Variants in CCDC136 observed in about 807,000 individuals in gnomAD.
CCDC136 encodes the protein coiled-coil domain-containing protein 136.
CCDC136 carries 100 observed loss-of-function variants against 141.2 expected under a neutral mutation model. The ratio of observed to expected loss-of-function variants is 0.71; its 90% CI spans 0.60 to 0.84. CCDC136 has a LOEUF of 0.84. CCDC136 is among the 40% of genes least tolerant of loss of function. The pLI, the probability that CCDC136 is intolerant of heterozygous loss-of-function variation, is 0.00. For missense variants in CCDC136, 1,206 were observed against 1,379.4 expected (o/e 0.87, Z 1.99); for synonymous variants, 474 against 531.9 (o/e 0.89, Z 1.50).
rs761509327 is a variant in CCDC136 at position 128,821,928 on chromosome 7, G to T, written c.*135G>T. 1 of 1,289,764 alleles carries T rather than the reference G, an allele frequency of 7.8e-7. No homozygotes were observed. Among genetic ancestry groups the T allele is most frequent in the Admixed American group, 2.3e-5 (1 of 43,564 alleles). 79.9% of individuals were successfully genotyped at this position (1,289,764 alleles called of 1,614,324 possible). ...GGAGTGATGGCAGACCTTGGCCAGC[G>T]CGAGGGCAGATCCCCAGTGGCCACC... On this transcript the variant is annotated 3_prime_UTR_variant, in exon 18 of 18. Coordinates refer to ENST00000297788, the MANE Select transcript of CCDC136 (RefSeq NM_022742.5). The surrounding 1 kb of genome is among the most constrained non-coding windows in gnomAD (Gnocchi z 5.1).
At chr7:128,802,603 G>T (rs1804219994) in intron 4 of CCDC136, among the ~76,000 whole-genome samples, 1 of 152,198 alleles carries the variant, frequency 6.6e-6, no homozygotes, top group Non-Finnish European at 1.5e-5. Context: ...AGCTAGATGG[G>T]ATCCTGAAAC....
At chr7:128,818,680 A>G (rs541373531) in intron 17 of CCDC136, among the ~76,000 whole-genome samples, 3 of 152,344 alleles carry the variant, frequency 2.0e-5, no homozygotes, top group East Asian at 3.9e-4. Context: ...CAAGACTGAT[A>G]TATTCTGGCC....
chr7:128,795,439 G>A (rs1226797453), intron 3 of CCDC136, among the ~76,000 whole-genome samples: 1 of 152,040 alleles, frequency 6.6e-6, no homozygotes, highest in Non-Finnish European at 1.5e-5. Context: ...AAACGGCAGG[G>A]ACTCTGGGGA....
upstream of CCDC136, chr7:128,791,937 C>A (rs1802227676): frequency 5.0e-6 from 4 of 797,762 alleles, no homozygotes; most frequent in East Asian, 1.0e-4. The surrounding 1 kb of genome is among the most constrained non-coding windows in gnomAD (Gnocchi z 7.1). Flanking sequence ...GCAGCCCTAC[C>A]CCTTCCCGCA....
chr7:128,805,938 A>G lies in CCDC136; in HGVS notation c.1089+37A>G, dbSNP rs780207178. 1 of 1,611,682 alleles carries G rather than the reference A, an allele frequency of 6.2e-7. No individual in the cohort carries two copies. Among genetic ancestry groups the G allele is most frequent in the South Asian group, 1.1e-5 (1 of 90,954 alleles). Reference sequence around the variant, plus strand: ...CCGGGGAGGCATCTGGGGTGGGGGCAGAAGGGCCTCATGGAGGGGCTGCTT... The same window carrying G: ...CCGGGGAGGCATCTGGGGTGGGGGCGGAAGGGCCTCATGGAGGGGCTGCTT... On this transcript the variant is annotated intron_variant, in intron 7 of 17. Transcript: ENST00000297788. The surrounding 1 kb of genome is among the most constrained non-coding windows in gnomAD (Gnocchi z 4.6).
Position 128,816,886 on chromosome 7 carries a change from C to T in CCDC136, c.3364-872C>T, listed in dbSNP as rs1259012336. Among the ~76,000 whole-genome samples the T allele has an allele frequency of 3.3e-5, 5 of 152,314 alleles. No individual in the cohort carries two copies. The East Asian group carries it at 9.6e-4, about 29-fold the overall frequency. On this transcript the variant is annotated intron_variant, in intron 16 of 17. Coordinates refer to ENST00000297788, the MANE Select transcript of CCDC136 (RefSeq NM_022742.5). Reference sequence around the variant, plus strand: ...TATCTGGAATTTCCAGCAATTTGGTCTTCAGCACTGGCTAAGGATCCAGTG... The same window carrying T: ...TATCTGGAATTTCCAGCAATTTGGTTTTCAGCACTGGCTAAGGATCCAGTG...
chr7:128,815,047 C>A, intron 15 of CCDC136, 128 bp downstream of exon 15: 1 of 805,094 alleles, frequency 1.2e-6, no homozygotes, highest in Non-Finnish European at 1.9e-6. Context: ...TCTGAAGTGT[C>A]TACAGTGGTT....
At chr7:128,797,091 CA>C (rs1252861022) in intron 3 of CCDC136, among the ~76,000 whole-genome samples, 1 of 152,074 alleles carries the variant, frequency 6.6e-6, no homozygotes, top group Non-Finnish European at 1.5e-5. Context: ...TGAATTCGAT[CA>C]GGGGATAACA....
intron 13 of CCDC136, among the ~76,000 whole-genome samples, 185 bp downstream of exon 13, chr7:128,812,497 G>T (rs563517724): frequency 3.9e-5 from 6 of 152,198 alleles, no homozygotes; most frequent in South Asian, 4.1e-4. Context: ...CTCTCATAGA[G>T]AGAATCCCCC....
chr7:128,811,664 CAT>C, intron 12 of CCDC136, 134 bp from the exon 13 acceptor site: 2 of 765,928 alleles, frequency 2.6e-6, no homozygotes, highest in Non-Finnish European at 4.2e-6. Flanking sequence ...AAGTCAGAGA[CAT>C]AGGCCGGGGT....
At chr7:128,796,739 A>ATATATATATAT in intron 3 of CCDC136, among the ~76,000 whole-genome samples, 3 of 113,372 alleles carry the variant, frequency 2.6e-5, no homozygotes, top group African/African-American at 1.4e-4. Context: ...ATATATATAT[A>ATATATATATAT]TTCTTTTTTT....
At position 128,817,370 on chromosome 7, in the gene CCDC136, G is replaced by A. The variant is rs574687123; in HGVS notation, c.3364-388G>A. Among the ~76,000 whole-genome samples the A allele has an allele frequency of 3.3e-5, 5 of 152,228 alleles. No homozygotes were observed. Among genetic ancestry groups the A allele is most frequent in the African/African-American group, 1.2e-4 (5 of 41,520 alleles). On this transcript the variant is annotated intron_variant, in intron 16 of 17. Coordinates refer to ENST00000297788, the MANE Select transcript of CCDC136 (RefSeq NM_022742.5). The surrounding 1 kb of genome is among the most constrained non-coding windows in gnomAD (Gnocchi z 4.6). ...TAATGGAAAGCAGGCTAGAACAAAG[G>A]GACAGGTGACCTGGTAGAAGACTGG...
Position 128,805,850 on chromosome 7 carries a change from G to A in CCDC136, c.1038G>A (p.Lys346=). Reference sequence around the variant, plus strand: ...AGAGGCGGCTGCAGAGGGAGCTCAAGTGTGCTCAGAATGAGGTGCTTCGGT... The same window carrying A: ...AGAGGCGGCTGCAGAGGGAGCTCAAATGTGCTCAGAATGAGGTGCTTCGGT... ...EEQRRLQREL[K]CAQNEVLRFQ... Residue 346 remains lysine (K), a synonymous_variant, in exon 7 of 18, where the codon AAG becomes AAA. Coordinates refer to ENST00000297788, the MANE Select transcript of CCDC136 (RefSeq NM_022742.5). The surrounding 1 kb of genome is among the most constrained non-coding windows in gnomAD (Gnocchi z 4.6). 1.2e-6 allele frequency: 2 copies of A among 1,614,006 alleles called. No homozygotes were observed. Among genetic ancestry groups the A allele is most frequent in the Non-Finnish European group, 1.7e-6 (2 of 1,179,900 alleles).
chr7:128,793,733 C>T (rs1802541782), intron 1 of CCDC136, among the ~76,000 whole-genome samples: 2 of 152,204 alleles, frequency 1.3e-5, no homozygotes, highest in Non-Finnish European at 2.9e-5. Context: ...CCTTAGCCTC[C>T]CAAGTAGCTG....
intron 4 of CCDC136, among the ~76,000 whole-genome samples, 189 bp downstream of exon 4, chr7:128,801,698 A>G (rs1804056914): frequency 6.6e-6 from 1 of 152,240 alleles, no homozygotes; most frequent in South Asian, 2.1e-4. Flanking sequence ...TGGGAGGCCA[A>G]GATGGGAGGA....
At chr7:128,807,003 C>G in intron 9 of CCDC136, 145 bp downstream of exon 9, 1 of 692,718 alleles carries the variant, frequency 1.4e-6, no homozygotes, top group Non-Finnish European at 2.2e-6. Context: ...AAGGTGACCT[C>G]GGGGAGTCAC....
chr7:128,812,880 G>C lies in CCDC136; in HGVS notation c.2714G>C (p.Cys905Ser). The C allele has an allele frequency of 6.2e-7, 1 of 1,612,640 alleles. No homozygotes were observed. Among genetic ancestry groups the C allele is most frequent in the Non-Finnish European group, 8.5e-7 (1 of 1,179,382 alleles). Reference protein sequence around the residue: ...LDACEREFKECMECLEKPMAP... With the variant: ...LDACEREFKESMECLEKPMAP... ...GCCTGTGAAAGGGAGTTCAAGGAGT[G>C]CATGGAATGCCTTGAAAAGCCCATG... The change falls in exon 14 of 18, where the codon TGC (cysteine) becomes TCC (serine). Residue 905 changes from cysteine (C) to serine (S), a missense_variant. Cys to Ser is a moderately radical substitution (Grantham distance 112). Coordinates refer to ENST00000297788, the MANE Select transcript of CCDC136 (RefSeq NM_022742.5).
intron 14 of CCDC136, among the ~76,000 whole-genome samples, chr7:128,813,977 T>C (rs1278782976): frequency 2.0e-5 from 3 of 151,786 alleles, no homozygotes; most frequent in Non-Finnish European, 4.4e-5. Flanking sequence ...AGTGAAACTC[T>C]TGTCTCAAAA....
chr7:128,809,782 C>G (rs1805438112), intron 11 of CCDC136, 138 bp downstream of exon 11: 1 of 664,198 alleles, frequency 1.5e-6, no homozygotes, highest in Non-Finnish European at 2.5e-6. Flanking sequence ...CCACTCTCCC[C>G]AAACCAAAAA....
Sources: gnomAD v4.1 joint callset for allele counts (sites outside exome capture counted in the v4.1 genomes callset) on GRCh38, gnomAD v4.1.1 for gene constraint, Gnocchi (gnomAD v3.1) non-coding constraint, MANE v1.5 for transcripts, NCBI Gene and HGNC (gene_info 2026-07-23, HGNC 2026-07-21) for gene names.